The following CENPW variants were observed in gnomAD, a reference collection of about 807,000 sequenced individuals.
CENPW encodes the protein centromere protein W.
In CENPW, 3 loss-of-function variants were observed where a neutral mutation model predicts 11.1. The observed-to-expected ratio is 0.27, with a 90% CI of 0.12 to 0.70. The LOEUF is 0.70. Among genes scored for constraint, CENPW ranks in the 30% least tolerant of loss-of-function variants. The pLI, the probability that CENPW is intolerant of heterozygous loss-of-function variation, is 0.77. For missense variants in CENPW, 100 were observed against 105.6 expected (o/e 0.95, Z 0.23); for synonymous variants, 38 against 42.0 (o/e 0.91, Z 0.37).
the CENPW span, among the ~76,000 whole-genome samples, chr6:126,382,258 C>T: frequency 7.0e-4 from 106 of 151,512 alleles, 1 homozygote; most frequent in African/African-American, 2.5e-3. Flanking sequence ...TATATATATA[C>T]CTTGAAGGTC....
At chr6:126,420,425 A>G in the CENPW span, among the ~76,000 whole-genome samples, 3 of 152,136 alleles carry the variant, frequency 2.0e-5, no homozygotes, top group Non-Finnish European at 2.9e-5. Flanking sequence ...AAACTACAAA[A>G]TTAGGGTTAA....
At chr6:126,342,029 A>G (rs568725041) in intron 1 of CENPW, among the ~76,000 whole-genome samples, 14 of 152,300 alleles carry the variant, frequency 9.2e-5, no homozygotes, top group Admixed American at 4.6e-4. Flanking sequence ...TTTGGCTTTC[A>G]TTAAACAGTT....
the CENPW span, among the ~76,000 whole-genome samples, chr6:126,372,848 T>C: frequency 6.6e-6 from 1 of 152,214 alleles, no homozygotes; most frequent in African/African-American, 2.4e-5. Flanking sequence ...GCTACTCACA[T>C]AAGTCCTCTA....
the CENPW span, among the ~76,000 whole-genome samples, chr6:126,458,815 G>A: frequency 6.6e-6 from 1 of 151,380 alleles, no homozygotes; most frequent in Admixed American, 6.6e-5. Context: ...AGATCTTGAT[G>A]TCTCAGGGAA....
chr6:126,457,672 C>T, the CENPW span, among the ~76,000 whole-genome samples: 1 of 151,234 alleles, frequency 6.6e-6, no homozygotes, highest in Non-Finnish European at 1.5e-5. Context: ...AAAGCAAGTA[C>T]AGCAATGAGC....
the CENPW span, among the ~76,000 whole-genome samples, chr6:126,452,629 A>G: frequency 1.3e-5 from 2 of 151,094 alleles, no homozygotes; most frequent in Non-Finnish European, 3.0e-5. Context: ...GAGCAGCCCC[A>G]GGAACCTGTG....
chr6:126,369,558 G>T, the CENPW span, among the ~76,000 whole-genome samples: 63 of 152,218 alleles, frequency 4.1e-4, no homozygotes, highest in African/African-American at 1.4e-3. Context: ...TCATATGTTT[G>T]TTGGCCATTT....
chr6:126,415,768 C>T, the CENPW span, among the ~76,000 whole-genome samples: 1 of 152,174 alleles, frequency 6.6e-6, no homozygotes, highest in Non-Finnish European at 1.5e-5. Context: ...GTGAGACATG[C>T]CTTTCACCTT....
At chr6:126,381,536 C>T in the CENPW span, among the ~76,000 whole-genome samples, 1 of 152,186 alleles carries the variant, frequency 6.6e-6, no homozygotes, top group Non-Finnish European at 1.5e-5. Context: ...CAGGGAAATG[C>T]TTTTCTACTT....
At chr6:126,351,992 T>C (rs974638157), downstream of CENPW, among the ~76,000 whole-genome samples, 1 of 152,116 alleles carries the variant, frequency 6.6e-6, no homozygotes, top group African/African-American at 2.4e-5. Context: ...TTTGTTAAAA[T>C]AAAGATTGCT....
chr6:126,363,116 C>T, the CENPW span, among the ~76,000 whole-genome samples: 1 of 152,134 alleles, frequency 6.6e-6, no homozygotes, highest in African/African-American at 2.4e-5. Flanking sequence ...AGACAGTGTA[C>T]TGCTAAGTGG....
At chr6:126,436,974 A>T in the CENPW span, among the ~76,000 whole-genome samples, 1 of 151,136 alleles carries the variant, frequency 6.6e-6, no homozygotes, top group African/African-American at 2.4e-5. Flanking sequence ...TGTAGTTTGC[A>T]TTATGTTGTC....
chr6:126,401,259 T>C, the CENPW span, among the ~76,000 whole-genome samples: 5 of 152,068 alleles, frequency 3.3e-5, no homozygotes, highest in Admixed American at 3.3e-4. Flanking sequence ...CTAGTATTAT[T>C]TTTAGAGTAC....
At chr6:126,447,811 C>G in the CENPW span, among the ~76,000 whole-genome samples, 1 of 151,186 alleles carries the variant, frequency 6.6e-6, no homozygotes, top group African/African-American at 2.4e-5. Flanking sequence ...CAAGTAATAC[C>G]TTGAAGAGCT....
the CENPW span, among the ~76,000 whole-genome samples, chr6:126,381,437 C>T: frequency 6.6e-6 from 1 of 152,196 alleles, no homozygotes; most frequent in African/African-American, 2.4e-5. Flanking sequence ...ACCTCTGTTA[C>T]TCATGATCCA....
At chr6:126,443,863 C>T in the CENPW span, among the ~76,000 whole-genome samples, 5 of 151,124 alleles carry the variant, frequency 3.3e-5, no homozygotes, top group African/African-American at 1.2e-4. Context: ...TGGAAGAGCT[C>T]TATGGGGCAA....
the CENPW span, among the ~76,000 whole-genome samples, chr6:126,444,205 T>C: frequency 1.1e-4 from 17 of 150,978 alleles, no homozygotes; most frequent in South Asian, 3.5e-3. Flanking sequence ...GTTTGTTATT[T>C]CTGTACATAT....
chr6:126,424,199 A>C, the CENPW span, among the ~76,000 whole-genome samples: 2 of 152,252 alleles, frequency 1.3e-5, no homozygotes, highest in Admixed American at 1.3e-4. Flanking sequence ...TAGAACAAAT[A>C]ATACTTCATT....
the CENPW span, among the ~76,000 whole-genome samples, chr6:126,440,041 T>C: frequency 6.6e-5 from 10 of 151,788 alleles, no homozygotes; most frequent in East Asian, 5.8e-4. Flanking sequence ...AGTCAAACTT[T>C]GATGAGCAGA....
Sources: allele counts gnomAD v4.1 joint callset (sites outside exome capture counted in the v4.1 genomes callset), GRCh38; gene constraint gnomAD v4.1.1; transcripts MANE v1.5; gene names NCBI Gene and HGNC (gene_info 2026-07-23, HGNC 2026-07-21).